Variants in SYN2 observed in about 807,000 individuals in gnomAD.
SYN2 encodes synapsin II, also known as synapsin-2.
In SYN2, 19 loss-of-function variants were observed where a neutral mutation model predicts 50.9. The observed-to-expected ratio is 0.37, with a 90% confidence interval of 0.26 to 0.55. SYN2 has a LOEUF of 0.55. Ranked by LOEUF, SYN2 falls within the 20% of genes least tolerant of loss-of-function variation. SYN2 has a pLI of 0.81. For synonymous variants in SYN2, 255 were observed against 224.9 expected, an observed-to-expected ratio of 1.13 and a Z score of -1.20; for missense variants, 587 against 576.4, an observed-to-expected ratio of 1.02 and a Z score of -0.19.
intron 1 of SYN2, among the ~76,000 whole-genome samples, chr3:12,035,701 A>G (rs1438292925): frequency 1.3e-5 from 2 of 152,208 alleles, no homozygotes; most frequent in East Asian, 1.9e-4. Context: ...TTGTAATCGG[A>G]TAAGAAAATA....
intron 5 of SYN2, among the ~76,000 whole-genome samples, chr3:12,152,160 C>T (rs1006552063): frequency 2.6e-5 from 4 of 152,186 alleles, no homozygotes; most frequent in Non-Finnish European, 4.4e-5. Context: ...TCTCCATTTA[C>T]ACCATTTCTG....
At chr3:12,054,122 T>G (rs1012220020) in intron 1 of SYN2, among the ~76,000 whole-genome samples, 2 of 152,162 alleles carry the variant, frequency 1.3e-5, no homozygotes, top group Non-Finnish European at 2.9e-5. Context: ...CAACTGGTCA[T>G]TTGGCAGGTA....
intron 1 of SYN2, chr3:12,070,735 G>A (rs759344314): frequency 8.2e-6 from 7 of 849,408 alleles, no homozygotes; most frequent in South Asian, 4.1e-5. Context: ...GCCCATCTAC[G>A]AGGCCTAAGC....
chr3:12,072,447 T>C (rs551246908), intron 1 of SYN2, among the ~76,000 whole-genome samples: 1 of 152,376 alleles, frequency 6.6e-6, no homozygotes, highest in South Asian at 2.1e-4. Flanking sequence ...CAGAATTTTA[T>C]AGATTTAGCT....
At chr3:12,033,469 G>C (rs1463928977) in intron 1 of SYN2, among the ~76,000 whole-genome samples, 1 of 151,904 alleles carries the variant, frequency 6.6e-6, no homozygotes, top group East Asian at 1.9e-4. Context: ...GCAGACTAGG[G>C]TACGAGAGAC....
At chr3:12,163,262 A>G (rs1407696617) in intron 7 of SYN2, among the ~76,000 whole-genome samples, 1 of 148,104 alleles carries the variant, frequency 6.8e-6, no homozygotes, top group Non-Finnish European at 1.5e-5. Flanking sequence ...AAAAAAAGAG[A>G]AAAAGTTTAC....
chr3:12,180,576 G>GCT (rs1559457396), intron 10 of SYN2, among the ~76,000 whole-genome samples: 2 of 152,192 alleles, frequency 1.3e-5, no homozygotes, highest in Non-Finnish European at 2.9e-5. Flanking sequence ...TGGAGCCAGG[G>GCT]TGTCTCAGCC....
chr3:12,113,490 C>T (rs1696368178), intron 1 of SYN2, among the ~76,000 whole-genome samples: 1 of 152,040 alleles, frequency 6.6e-6, no homozygotes, highest in African/African-American at 2.4e-5. Context: ...TCATTTTAAC[C>T]ATTTTAAGGT....
At chr3:12,104,016 A>G (rs1696128308) in intron 1 of SYN2, among the ~76,000 whole-genome samples, 1 of 152,260 alleles carries the variant, frequency 6.6e-6, no homozygotes, top group African/African-American at 2.4e-5. Flanking sequence ...AACAAGATAT[A>G]TCAGGCAAAC....
chr3:12,036,868 C>T (rs1224579620), intron 1 of SYN2, among the ~76,000 whole-genome samples: 1 of 152,170 alleles, frequency 6.6e-6, no homozygotes, highest in African/African-American at 2.4e-5. Flanking sequence ...ATGTCTAAGT[C>T]ATTTCTCTTT....
intron 9 of SYN2, among the ~76,000 whole-genome samples, 154 bp downstream of exon 9, chr3:12,168,632 C>T (rs11916408): frequency 0.11 from 17,431 of 152,168 alleles, 2,070 homozygotes; most frequent in African/African-American, 0.3. Context: ...GGCTGACCCA[C>T]GCCATGGGTA....
chr3:12,098,293 A>G (rs1312342281), intron 1 of SYN2, among the ~76,000 whole-genome samples: 1 of 152,242 alleles, frequency 6.6e-6, no homozygotes, highest in African/African-American at 2.4e-5. Context: ...TTTTTCTTCA[A>G]AAGTGAAGGA....
intron 1 of SYN2, among the ~76,000 whole-genome samples, chr3:12,136,663 G>A (rs1044378015): frequency 2.6e-5 from 4 of 152,168 alleles, no homozygotes; most frequent in South Asian, 2.1e-4. Flanking sequence ...ATTGATGAAG[G>A]TATTCACTTC....
intron 1 of SYN2, among the ~76,000 whole-genome samples, chr3:12,119,626 G>C (rs1696508482): frequency 6.6e-6 from 1 of 152,096 alleles, no homozygotes; most frequent in Non-Finnish European, 1.5e-5. Context: ...GGTTTTATTT[G>C]CAGGAAAGCA....
At chr3:12,157,927 C>T (rs1382114750) in intron 5 of SYN2, among the ~76,000 whole-genome samples, 1 of 152,230 alleles carries the variant, frequency 6.6e-6, no homozygotes, top group East Asian at 1.9e-4. Context: ...TCTGACCCTG[C>T]ACTGAGGTAT....
intron 4 of SYN2, among the ~76,000 whole-genome samples, chr3:12,150,958 T>G (rs1039828470): frequency 2.0e-5 from 3 of 152,178 alleles, no homozygotes; most frequent in Non-Finnish European, 4.4e-5. Flanking sequence ...GGGCCCCATA[T>G]GTAAAATGAA....
intron 1 of SYN2, among the ~76,000 whole-genome samples, chr3:12,013,783 A>T (rs1461730459): frequency 6.6e-6 from 1 of 152,134 alleles, no homozygotes; most frequent in African/African-American, 2.4e-5. Flanking sequence ...CTTACATCCT[A>T]TAGGTAGTTT....
At chr3:12,089,758 G>C (rs1695785468) in intron 1 of SYN2, among the ~76,000 whole-genome samples, 1 of 152,136 alleles carries the variant, frequency 6.6e-6, no homozygotes, top group Non-Finnish European at 1.5e-5. Flanking sequence ...TCTAGGGGGA[G>C]TCAAGGGAAG....
At chr3:12,050,711 C>CTTTTTT (rs57099569) in intron 1 of SYN2, among the ~76,000 whole-genome samples, 977 of 50,550 alleles carry the variant, frequency 0.019, 342 homozygotes, top group Non-Finnish European at 0.034. Flanking sequence ...CTTCTCTTCT[C>CTTTTTT]TTTTTTTTTT....
Sources: allele counts gnomAD v4.1 joint callset (sites outside exome capture counted in the v4.1 genomes callset), GRCh38; gene constraint gnomAD v4.1.1; transcripts MANE v1.5; gene names NCBI Gene and HGNC (gene_info 2026-07-23, HGNC 2026-07-21).